Variants in SH2D4B observed in about 807,000 individuals in gnomAD.
SH2D4B encodes the protein SH2 domain containing 4B, also known as SH2 domain-containing protein 4B.
In SH2D4B, 45 loss-of-function variants were observed where a neutral mutation model predicts 61.5. The ratio of observed to expected loss-of-function variants is 0.73; its 90% CI spans 0.58 to 0.94. The LOEUF (loss-of-function observed/expected upper bound fraction) is 0.94. Among genes scored for constraint, SH2D4B ranks in the 40% least tolerant of loss-of-function variants. The pLI is 0.00. For missense variants in SH2D4B, 572 were observed against 574.2 expected (o/e 1.00, Z 0.04); for synonymous variants, 224 against 220.4 (o/e 1.02, Z -0.14).
chr10:80,643,958 A>G, intron 7 of SH2D4B, 35 bp from the exon 8 acceptor site: 1 of 1,555,862 alleles, frequency 6.4e-7, no homozygotes, highest in Non-Finnish European at 8.9e-7. Flanking sequence ...CCCTGTCTTG[A>G]TTATAAGTGG....
intron 6 of SH2D4B, among the ~76,000 whole-genome samples, chr10:80,624,386 C>T (rs140353672): frequency 1.2e-3 from 176 of 152,342 alleles, no homozygotes; most frequent in African/African-American, 3.8e-3. Context: ...AGAAAACGCT[C>T]TTTCCTTCTC....
At chr10:80,619,505 C>A (rs1842694331) in intron 6 of SH2D4B, among the ~76,000 whole-genome samples, 1 of 152,236 alleles carries the variant, frequency 6.6e-6, no homozygotes, top group South Asian at 2.1e-4. Context: ...CTCCTGAAGT[C>A]TCCATCAAGG....
chr10:80,554,937 AGG>A (rs2132108790), intron 1 of SH2D4B, among the ~76,000 whole-genome samples: 1 of 133,340 alleles, frequency 7.5e-6, no homozygotes, highest in Admixed American at 8.8e-5. Flanking sequence ...TGAACCCAGG[AGG>A]CGGAGGTTGC....
At chr10:80,621,963 C>G (rs977115030) in intron 6 of SH2D4B, among the ~76,000 whole-genome samples, 3 of 152,068 alleles carry the variant, frequency 2.0e-5, no homozygotes, top group African/African-American at 4.8e-5. Flanking sequence ...CCTCATGATC[C>G]TCCCACCTCA....
chr10:80,545,339 C>G (rs773118162), intron 1 of SH2D4B, among the ~76,000 whole-genome samples: 7 of 151,936 alleles, frequency 4.6e-5, no homozygotes, highest in Non-Finnish European at 1.0e-4. Context: ...TTCTCCTTCT[C>G]TCTCTTCCTC....
At chr10:80,568,342 G>A (rs1003968839) in intron 1 of SH2D4B, among the ~76,000 whole-genome samples, 2 of 152,282 alleles carry the variant, frequency 1.3e-5, no homozygotes, top group African/African-American at 4.8e-5. Flanking sequence ...AGGGACAGTG[G>A]GCAGAGGTGT....
intron 6 of SH2D4B, among the ~76,000 whole-genome samples, chr10:80,619,126 G>A (rs1842689298): frequency 1.3e-5 from 2 of 152,146 alleles, no homozygotes; most frequent in Admixed American, 6.5e-5. Flanking sequence ...GGATGCACCG[G>A]GATTTGTGCT....
At chr10:80,574,810 G>T (rs1382203870) in intron 3 of SH2D4B, among the ~76,000 whole-genome samples, 1 of 151,942 alleles carries the variant, frequency 6.6e-6, no homozygotes, top group Non-Finnish European at 1.5e-5. Flanking sequence ...AAGTGATTCT[G>T]CTGCCTCAGC....
chr10:80,570,065 T>C, intron 1 of SH2D4B, 89 bp from the exon 2 acceptor site: 4 of 1,460,322 alleles, frequency 2.7e-6, no homozygotes, highest in Middle Eastern at 1.8e-4. Flanking sequence ...CATAGAGTGA[T>C]GTGATGGTTG....
chr10:80,644,310 G>A lies in SH2D4B; in HGVS notation c.*225G>A. On this transcript the variant is annotated 3_prime_UTR_variant, in exon 8 of 8. Transcript: ENST00000646907. ...ATAGCTCATGCAACTCTTTCATGAA[G>A]AGCTTAGCTATGACCTTAGAAGACA... The A allele has an allele frequency of 1.9e-6, 1 of 519,880 alleles. No homozygotes were observed. The highest frequency in any genetic ancestry group is 3.4e-6 in the Non-Finnish European group (1 of 292,302). The allele number at this position is 519,880 out of a possible 1,614,324, so 32.2% of individuals were successfully genotyped here. A position where few individuals can be genotyped will look rare whatever the true frequency, so the allele number is the denominator to read the frequency against.
intron 1 of SH2D4B, among the ~76,000 whole-genome samples, chr10:80,565,982 T>G (rs754296590): frequency 4.7e-4 from 70 of 148,750 alleles, no homozygotes; most frequent in Non-Finnish European, 9.3e-4. Flanking sequence ...TCCCAGCTAC[T>G]CCGGAGGCTG....
intron 1 of SH2D4B, among the ~76,000 whole-genome samples, chr10:80,557,851 A>G (rs944931232): frequency 1.3e-5 from 2 of 151,896 alleles, no homozygotes; most frequent in African/African-American, 4.8e-5. Flanking sequence ...TTCTACCATT[A>G]TCTTTATTAT....
intron 1 of SH2D4B, among the ~76,000 whole-genome samples, chr10:80,569,123 T>G (rs1299771398): frequency 6.6e-6 from 1 of 152,204 alleles, no homozygotes; most frequent in Non-Finnish European, 1.5e-5. Context: ...GAAATCTCAG[T>G]GGCTGAATTT....
At chr10:80,542,392 TTCTA>T (rs58013823) in intron 1 of SH2D4B, among the ~76,000 whole-genome samples, 12,117 of 145,998 alleles carry the variant, frequency 0.083, 1,184 homozygotes, top group East Asian at 0.27. Context: ...GACCTGTCAG[TTCTA>T]TCTTTTTTTT....
intron 7 of SH2D4B, 82 bp downstream of exon 7, chr10:80,634,587 C>G: frequency 6.6e-7 from 1 of 1,508,860 alleles, no homozygotes; most frequent in East Asian, 2.5e-5. Flanking sequence ...GCAAGAGAAG[C>G]AAGGCTGCTG....
intron 3 of SH2D4B, among the ~76,000 whole-genome samples, chr10:80,572,765 G>A (rs1307767977): frequency 6.6e-5 from 10 of 150,532 alleles, no homozygotes; most frequent in African/African-American, 1.7e-4. Flanking sequence ...GAGTACAGGC[G>A]TGCATCACCA....
In SH2D4B at chr10:80,633,519, C is replaced by T. The variant is rs1391805475; in HGVS notation, c.989-766C>T. Among the ~76,000 whole-genome samples the T allele has an allele frequency of 3.3e-5, 5 of 152,280 alleles. 1 individual carries two copies. The South Asian group carries it at 8.3e-4, about 25-fold the overall frequency. ...GGTGGGGGTAATCCAGGTCTTCTGG[C>T]TTCCCCTCCTCTTCCCACCTACTTG... On this transcript the variant is annotated intron_variant, in intron 6 of 7. Coordinates refer to ENST00000646907, the MANE Select transcript of SH2D4B (RefSeq NM_001388272.1).
chr10:80,551,030 A>G lies in SH2D4B; in HGVS notation c.184+12515A>G, dbSNP rs150392964. ...AGCACAACAAGGAAAAGAAAAAGAA[A>G]AAGAAACATGACTTGATTTTTATTT... On this transcript the variant is annotated intron_variant, in intron 1 of 7. Transcript: ENST00000646907. 2.5e-4 allele frequency among the ~76,000 whole-genome samples: 38 copies of G among 152,350 alleles called. No individual in the cohort carries two copies. The East Asian group carries it at 6.7e-3, about 27-fold the overall frequency.
chr10:80,544,124 T>C (rs1341747673), intron 1 of SH2D4B, among the ~76,000 whole-genome samples: 1 of 152,154 alleles, frequency 6.6e-6, no homozygotes, highest in Non-Finnish European at 1.5e-5. Context: ...TATTGCTCAC[T>C]GTGGGTCCAC....
Sources: gnomAD v4.1 joint callset for allele counts (sites outside exome capture counted in the v4.1 genomes callset) on GRCh38, gnomAD v4.1.1 for gene constraint, MANE v1.5 for transcripts, NCBI Gene and HGNC (gene_info 2026-07-23, HGNC 2026-07-21) for gene names.